UHRF1: variants seen among roughly 807,000 people sequenced by gnomAD.
UHRF1 encodes the protein E3 ubiquitin-protein ligase UHRF1.
UHRF1 carries 9 observed loss-of-function variants against 96.5 expected under a neutral mutation model. The ratio of observed to expected loss-of-function variants is 0.09; its 90% CI spans 0.06 to 0.16. The LOEUF is 0.16. Among genes scored for constraint, UHRF1 ranks in the 10% least tolerant of loss-of-function variants. UHRF1 has a pLI of 1.00. For missense variants in UHRF1, 626 were observed against 1,131.1 expected (o/e 0.55, Z 6.40); for synonymous variants, 455 against 469.9 (o/e 0.97, Z 0.41).
intron 16 of UHRF1, 124 bp from the exon 17 acceptor site, chr19:4,960,533 T>G: frequency 7.3e-7 from 1 of 1,373,854 alleles, no homozygotes; most frequent in African/African-American, 1.4e-5. Flanking sequence ...AGGTGGAAAG[T>G]GAGACTGAAG....
Position 4,930,992 on chromosome 19 carries a change from G to A in UHRF1, c.569+116G>A. 1 of 1,466,538 alleles carries A rather than the reference G, an allele frequency of 6.8e-7. No homozygotes were observed. Among genetic ancestry groups the A allele is most frequent in the Non-Finnish European group, 9.3e-7 (1 of 1,080,130 alleles). 90.8% of individuals were successfully genotyped at this position (1,466,538 alleles called of 1,614,324 possible). A position where few individuals can be genotyped will look rare whatever the true frequency, so the allele number is the denominator to read the frequency against. Reference sequence around the variant, plus strand: ...CTCGAGATGGTGATCAGGATCTGGGGCCCCATCCTCGAATTCCTAACAGCA... The same window carrying A: ...CTCGAGATGGTGATCAGGATCTGGGACCCCATCCTCGAATTCCTAACAGCA... On this transcript the variant is annotated intron_variant, in intron 4 of 16. Coordinates refer to ENST00000650932, the MANE Select transcript of UHRF1 (RefSeq NM_001048201.3). The surrounding 1 kb of genome is among the most constrained non-coding windows in gnomAD (Gnocchi z 4.4).
At chr19:4,915,709 C>CA (rs201046048) in intron 2 of UHRF1, among the ~76,000 whole-genome samples, 2,961 of 150,264 alleles carry the variant, frequency 0.02, 95 homozygotes, top group East Asian at 0.029. Flanking sequence ...GACTCCGTCT[C>CA]AAAAAAAAAG....
intron 13 of UHRF1, among the ~76,000 whole-genome samples, chr19:4,951,223 G>A (rs1271901459): frequency 6.6e-6 from 1 of 152,146 alleles, no homozygotes; most frequent in African/African-American, 2.4e-5. Context: ...CTGAGATTGC[G>A]CCACTGCACT....
intron 16 of UHRF1, among the ~76,000 whole-genome samples, chr19:4,960,230 G>C (rs1285803729): frequency 6.6e-6 from 1 of 152,236 alleles, no homozygotes; most frequent in East Asian, 1.9e-4. Context: ...AAAGCTCAGG[G>C]AGCATCTGCC....
chr19:4,954,963 AC>A lies in UHRF1; in HGVS notation c.2130+143del. 1 of 1,025,896 alleles carries A rather than the reference AC, an allele frequency of 9.7e-7. No individual in the cohort carries two copies. The highest frequency in any genetic ancestry group is 1.4e-6 in the Non-Finnish European group (1 of 702,452). 63.5% of individuals were successfully genotyped at this position (1,025,896 alleles called of 1,614,324 possible). On this transcript the variant is annotated intron_variant, in intron 15 of 16. Transcript: ENST00000650932. The surrounding 1 kb of genome is among the most constrained non-coding windows in gnomAD (Gnocchi z 5.9). Reference sequence around the variant, plus strand: ...TTCTTGTGGTTGTGCAACCATCACCACCATCACCACCTCCAGAACTTTATCC... The same window carrying A: ...TTCTTGTGGTTGTGCAACCATCACCACATCACCACCTCCAGAACTTTATCC...
chr19:4,908,883 C>G (rs900796499), upstream of UHRF1, among the ~76,000 whole-genome samples: 1 of 152,114 alleles, frequency 6.6e-6, no homozygotes, highest in Non-Finnish European at 1.5e-5. Flanking sequence ...CTCCTGTGCC[C>G]GCCAGGACTG....
At chr19:4,943,858 C>T (rs2033483210) in intron 7 of UHRF1, among the ~76,000 whole-genome samples, 1 of 152,176 alleles carries the variant, frequency 6.6e-6, no homozygotes, top group African/African-American at 2.4e-5. Flanking sequence ...ACCGTGTTGG[C>T]CAGGCTGGTC....
At chr19:4,914,344 G>A (rs956885692) in intron 2 of UHRF1, among the ~76,000 whole-genome samples, 6 of 152,152 alleles carry the variant, frequency 3.9e-5, no homozygotes, top group African/African-American at 1.4e-4. Context: ...CACAGTTCCC[G>A]GTGGGCACAA....
chr19:4,950,982 G>C lies in UHRF1; in HGVS notation c.1804G>C (p.Gly602Arg). 1 of 1,610,126 alleles carries C rather than the reference G, an allele frequency of 6.2e-7. No homozygotes were observed. Among genetic ancestry groups the C allele is most frequent in the Non-Finnish European group, 8.5e-7 (1 of 1,179,082 alleles). The change falls in exon 13 of 17, where the codon GGG becomes CGG. Residue 602 changes from glycine to arginine, a missense_variant. Physicochemically the swap from Gly to Arg is moderately radical, Grantham distance 125 (BLOSUM62 -2). Around this residue, in one of 11 missense-constraint regions of UHRF1, gnomAD observed 61 missense variants for 199.2 expected, o/e 0.31. Coordinates refer to ENST00000650932, the MANE Select transcript of UHRF1 (RefSeq NM_001048201.3). ...KEGKDRIKKL[G>R]LTMQYPEGYL... ...GGGGAAGGACCGGATCAAGAAGCTG[G>C]GGCTGACCATGCAGGTGTGTCTGGG...
chr19:4,910,849 G>A (rs763045533), intron 1 of UHRF1, 27 bp from the exon 2 acceptor site: 2 of 1,579,850 alleles, frequency 1.3e-6, no homozygotes, highest in East Asian at 2.3e-5. Context: ...TAAAACTGAT[G>A]GGGGTTTTTG....
intron 5 of UHRF1, among the ~76,000 whole-genome samples, chr19:4,939,396 G>A (rs560446144): frequency 4.7e-5 from 7 of 150,284 alleles, no homozygotes; most frequent in African/African-American, 1.5e-4. Context: ...TTTTTGAGAC[G>A]GAGTCTTGCT....
At chr19:4,919,451 C>T (rs1196823028) in intron 2 of UHRF1, among the ~76,000 whole-genome samples, 4 of 151,750 alleles carry the variant, frequency 2.6e-5, no homozygotes, top group Non-Finnish European at 5.9e-5. Context: ...TACAGGTGCC[C>T]GCCACCTCGC....
upstream of UHRF1, among the ~76,000 whole-genome samples, chr19:4,905,805 CT>C (rs1350901921): frequency 6.6e-6 from 1 of 152,226 alleles, no homozygotes; most frequent in Non-Finnish European, 1.5e-5. Flanking sequence ...GCGTGAGCCA[CT>C]GTGCCCGGCC....
At chr19:4,951,437 C>T (rs761516554) in intron 13 of UHRF1, among the ~76,000 whole-genome samples, 5 of 152,082 alleles carry the variant, frequency 3.3e-5, no homozygotes, top group Non-Finnish European at 7.4e-5. Context: ...AGGAGGCCTC[C>T]CGTCTCGGGC....
chr19:4,955,474 C>G (rs2033834597), intron 15 of UHRF1, among the ~76,000 whole-genome samples: 1 of 152,104 alleles, frequency 6.6e-6, no homozygotes. Flanking sequence ...TTTCCCAGCT[C>G]CAGGTCCTTC....
rs554240063 is a variant in UHRF1 at position 4,931,283 on chromosome 19, TG to T, written c.569+408del. Among the ~76,000 whole-genome samples the T allele has an allele frequency of 1.4e-3, 220 of 152,296 alleles. 2 individuals carry two copies. Among genetic ancestry groups the T allele is most frequent in the African/African-American group, 5.0e-3 (207 of 41,572 alleles). ...AGTGGACACAGATGGTGGCTGCGTC[TG>T]TCCGTGCTGCCATCGTGAGATTTCA... On this transcript the variant is annotated intron_variant, in intron 4 of 16. Transcript: ENST00000650932.
intron 3 of UHRF1, 43 bp downstream of exon 3, chr19:4,929,519 C>T (rs1445626386): frequency 3.2e-6 from 5 of 1,583,224 alleles, no homozygotes; most frequent in Non-Finnish European, 4.3e-6. Flanking sequence ...GGACGTTCTC[C>T]CTGCCATTCT....
At chr19:4,922,321 A>G (rs1811950254) in intron 2 of UHRF1, among the ~76,000 whole-genome samples, 1 of 152,060 alleles carries the variant, frequency 6.6e-6, no homozygotes, top group African/African-American at 2.4e-5. Context: ...ACTGGAGTGC[A>G]GTGGTGTGAT....
chr19:4,928,256 T>A (rs1044496060), intron 2 of UHRF1, among the ~76,000 whole-genome samples: 1 of 151,556 alleles, frequency 6.6e-6, no homozygotes, highest in South Asian at 2.1e-4. Context: ...GTCCAGGACC[T>A]GGCCCCAATG....
Sources: allele counts gnomAD v4.1 joint callset (sites outside exome capture counted in the v4.1 genomes callset), GRCh38; gene constraint gnomAD v4.1.1; regional missense constraint gnomAD v4.1.1; non-coding constraint Gnocchi (gnomAD v3.1); transcripts MANE v1.5; gene names NCBI Gene and HGNC (gene_info 2026-07-23, HGNC 2026-07-21).